CSMD3: variants seen among roughly 807,000 people sequenced by gnomAD.
The protein encoded by CSMD3 is CUB and sushi domain-containing protein 3.
Under a neutral mutation model 435.2 loss-of-function variants are expected in CSMD3, and 177 were observed. The observed-to-expected ratio is 0.41, with a 90% CI of 0.36 to 0.46. The LOEUF (loss-of-function observed/expected upper bound fraction) is 0.46, where lower values mean the gene tolerates loss of function less well. CSMD3 is among the 20% of genes least tolerant of loss of function. The pLI, the probability that CSMD3 is intolerant of heterozygous loss-of-function variation, is 0.34. For synonymous variants in CSMD3, 1,656 were observed against 1,520.5 expected, an observed-to-expected ratio of 1.09 and a Z score of -2.07; for missense variants, 4,265 against 4,504.6, an observed-to-expected ratio of 0.95 and a Z score of 1.52.
chr8:113,391,949 A>C (rs1348160038), intron 1 of CSMD3, among the ~76,000 whole-genome samples: 1 of 152,068 alleles, frequency 6.6e-6, no homozygotes, highest in Non-Finnish European at 1.5e-5. Context: ...GTGGAAAGCT[A>C]GTCTACATGC....
intron 4 of CSMD3, among the ~76,000 whole-genome samples, chr8:113,125,043 CAT>C (rs2091087520): frequency 6.6e-6 from 1 of 152,000 alleles, no homozygotes; most frequent in African/African-American, 2.4e-5. Context: ...TCTTTCTAAA[CAT>C]AGCATGCTGT....
chr8:112,498,989 C>T (rs1041831989), intron 30 of CSMD3, among the ~76,000 whole-genome samples: 5 of 152,048 alleles, frequency 3.3e-5, no homozygotes, highest in African/African-American at 4.8e-5. Context: ...ATTCTTGGCA[C>T]TTAGTGTATA....
intron 13 of CSMD3, among the ~76,000 whole-genome samples, chr8:112,763,886 C>CT (rs2077908701): frequency 6.6e-6 from 1 of 150,956 alleles, no homozygotes; most frequent in Non-Finnish European, 1.5e-5. Context: ...ACATGAAATT[C>CT]TTTAGCTTTT....
chr8:113,165,162 G>T (rs2092125646), intron 4 of CSMD3, among the ~76,000 whole-genome samples: 1 of 152,084 alleles, frequency 6.6e-6, no homozygotes, highest in Non-Finnish European at 1.5e-5. Flanking sequence ...GGCTAAGCAT[G>T]CCCCATCATT....
chr8:112,873,033 C>T (rs2081180921), intron 10 of CSMD3, among the ~76,000 whole-genome samples: 1 of 152,000 alleles, frequency 6.6e-6, no homozygotes, highest in East Asian at 1.9e-4. Flanking sequence ...AAGTTATTTA[C>T]CACCTTTGAT....
chr8:112,327,517 G>A (rs1379621888), intron 45 of CSMD3, among the ~76,000 whole-genome samples: 1 of 152,112 alleles, frequency 6.6e-6, no homozygotes. Flanking sequence ...GTTAGTCCAT[G>A]CTTTTCATGG....
chr8:112,695,331 C>T (rs2076227044), intron 13 of CSMD3, among the ~76,000 whole-genome samples: 1 of 152,164 alleles, frequency 6.6e-6, no homozygotes. Context: ...CATACTTTAA[C>T]TTTTATTATA....
At chr8:112,763,811 A>G (rs2077906368) in intron 13 of CSMD3, among the ~76,000 whole-genome samples, 1 of 151,194 alleles carries the variant, frequency 6.6e-6, no homozygotes. Flanking sequence ...AAATGTAACA[A>G]GAATACACAT....
In CSMD3 at chr8:113,337,838, A is replaced by G. The variant is rs1007920596; in HGVS notation, c.179-23045T>C. Among the ~76,000 whole-genome samples, 3 of 143,556 alleles carry G rather than the reference A, an allele frequency of 2.1e-5. No homozygotes were observed. The East Asian group carries it at 6.1e-4, about 29-fold the overall frequency. The allele number at this position is 143,556 out of a possible 152,430, so 94.2% of individuals were successfully genotyped here. A position where few individuals can be genotyped will look rare whatever the true frequency, so the allele number is the denominator to read the frequency against. ...TTGAAATTTACTAAGAAAGTAAATT[A>G]TAAGTGTTTTTACCACAAAAAAAAA... On this transcript the variant is annotated intron_variant, in intron 1 of 70. Coordinates refer to ENST00000297405, the MANE Select transcript of CSMD3 (RefSeq NM_198123.2).
chr8:112,395,970 A>G (rs1001324271), intron 35 of CSMD3, among the ~76,000 whole-genome samples: 4 of 152,158 alleles, frequency 2.6e-5, no homozygotes, highest in Non-Finnish European at 5.9e-5. Flanking sequence ...ATTATTAAAT[A>G]TTGTTTAAAA....
At chr8:113,015,081 A>C (rs1048041513) in intron 6 of CSMD3, among the ~76,000 whole-genome samples, 16 of 152,074 alleles carry the variant, frequency 1.1e-4, no homozygotes, top group African/African-American at 3.9e-4. Context: ...AACTGTACAC[A>C]GGTATTTATG....
chr8:112,300,239 T>C (rs970700297), intron 53 of CSMD3, among the ~76,000 whole-genome samples: 1 of 147,156 alleles, frequency 6.8e-6, no homozygotes, highest in African/African-American at 2.5e-5. Flanking sequence ...AAGATACATG[T>C]AATATATAAT....
intron 5 of CSMD3, among the ~76,000 whole-genome samples, chr8:113,050,202 G>T (rs746072863): frequency 6.6e-6 from 1 of 151,742 alleles, no homozygotes; most frequent in Non-Finnish European, 1.5e-5. Flanking sequence ...TAGTTTCCAT[G>T]ACTGCATATA....
chr8:113,407,055 G>A (rs2094535988), intron 1 of CSMD3, among the ~76,000 whole-genome samples: 2 of 152,096 alleles, frequency 1.3e-5, no homozygotes, highest in South Asian at 2.1e-4. Context: ...AAAGTTAGAA[G>A]AGGTAGCTAC....
intron 32 of CSMD3, among the ~76,000 whole-genome samples, chr8:112,421,341 G>A (rs1055107850): frequency 9.2e-5 from 14 of 151,640 alleles, no homozygotes; most frequent in Non-Finnish European, 2.1e-4. Flanking sequence ...TCAGGAGTTC[G>A]AGACCAGCCT....
At chr8:113,328,702 T>TTTTC (rs200466783) in intron 1 of CSMD3, among the ~76,000 whole-genome samples, 50 of 149,786 alleles carry the variant, frequency 3.3e-4, no homozygotes, top group Admixed American at 4.7e-4. Flanking sequence ...CCATGTTTTC[T>TTTTC]TTTCTTTCTT....
At chr8:112,557,818 C>T (rs887526574) in intron 24 of CSMD3, among the ~76,000 whole-genome samples, 1 of 151,880 alleles carries the variant, frequency 6.6e-6, no homozygotes, top group South Asian at 2.1e-4. Context: ...GTAAATGTTT[C>T]CCTGAGTTTT....
At chr8:112,230,788 G>A (rs1282674170) in intron 69 of CSMD3, among the ~76,000 whole-genome samples, 4 of 151,848 alleles carry the variant, frequency 2.6e-5, no homozygotes, top group African/African-American at 7.3e-5. Flanking sequence ...CTCCAGCCTG[G>A]GTGACAAGAG....
At chr8:112,380,294 TTTAATTAATATAAACTTGTTC>T in intron 38 of CSMD3, 37 bp downstream of exon 38, 1 of 924,218 alleles carries the variant, frequency 1.1e-6, no homozygotes, top group Non-Finnish European at 1.8e-6. Flanking sequence ...CAAAAATATT[TTTAATTAATATAAACTTGTTC>T]TTAACCTTTT....
Sources: gnomAD v4.1 joint callset for allele counts (sites outside exome capture counted in the v4.1 genomes callset) on GRCh38, gnomAD v4.1.1 for gene constraint, MANE v1.5 for transcripts, NCBI Gene and HGNC (gene_info 2026-07-23, HGNC 2026-07-21) for gene names.